The following KALRN variants were observed in gnomAD, a reference collection of about 807,000 sequenced individuals.
KALRN encodes the protein kalirin.
In KALRN, 70 loss-of-function variants were observed where a neutral mutation model predicts 353.7. The ratio of observed to expected loss-of-function variants is 0.20; its 90% confidence interval spans 0.16 to 0.24. The LOEUF is 0.24. Ranked by LOEUF, KALRN falls within the 10% of genes least tolerant of loss-of-function variation. The pLI is 1.00. For missense variants in KALRN, 2,791 were observed against 3,756.7 expected, an observed-to-expected ratio of 0.74 and a Z score of 6.72; for synonymous variants, 1,391 against 1,434.8, an observed-to-expected ratio of 0.97 and a Z score of 0.69.
At chr3:124,497,752 C>T (rs1392477494) in intron 33 of KALRN, among the ~76,000 whole-genome samples, 2 of 152,186 alleles carry the variant, frequency 1.3e-5, no homozygotes, top group African/African-American at 4.8e-5. Flanking sequence ...AAAAAGTGTT[C>T]CTCTTTAAAC....
intron 1 of KALRN, among the ~76,000 whole-genome samples, chr3:124,202,421 T>C (rs1429535034): frequency 1.3e-5 from 2 of 152,150 alleles, no homozygotes; most frequent in African/African-American, 4.8e-5. Context: ...CAGCTAATTT[T>C]TGTATTCTTT....
At chr3:124,589,615 T>G (rs1383263331) in intron 34 of KALRN, among the ~76,000 whole-genome samples, 2 of 152,146 alleles carry the variant, frequency 1.3e-5, no homozygotes, top group Non-Finnish European at 2.9e-5. Flanking sequence ...AAAATAAAAA[T>G]TCACCATCCA....
intron 51 of KALRN, among the ~76,000 whole-genome samples, chr3:124,688,186 C>A (rs2061648025): frequency 6.6e-6 from 1 of 151,976 alleles, no homozygotes; most frequent in Admixed American, 6.6e-5. Context: ...GCTGTGTTCA[C>A]CTGTAGTCGC....
rs752809322 is a variant in KALRN at position 124,430,714 on chromosome 3, G to T, written c.2768G>T (p.Ser923Ile). The T allele has an allele frequency of 2.0e-5, 33 of 1,614,198 alleles. No homozygotes were observed. In the Admixed American group the frequency reaches 5.5e-4, roughly 27 times the overall value. ...CTCAACGCCAGCCTGGTCAATGCCA[G>T]CTCTTTGTCGGAAGCAGAGCAGCTG... is the stretch of plus-strand genomic sequence containing the variant. ...SMLNASLVNA[S>I]SLSEAEQLQR... The change falls in exon 16 of 60, where the codon AGC (serine) becomes ATC (isoleucine). Residue 923 changes from serine (S) to isoleucine (I), a missense_variant. Physicochemically the swap from Ser to Ile is moderately radical, Grantham distance 142. Coordinates refer to ENST00000682506, the MANE Select transcript of KALRN (RefSeq NM_001388419.1).
chr3:124,554,332 G>A (rs558711878), intron 33 of KALRN, among the ~76,000 whole-genome samples: 8 of 152,312 alleles, frequency 5.3e-5, no homozygotes, highest in African/African-American at 1.7e-4. Context: ...TTTTTAGTAG[G>A]CTACATGCTC....
chr3:124,338,972 G>A (rs1052194385), intron 9 of KALRN, among the ~76,000 whole-genome samples: 5 of 152,228 alleles, frequency 3.3e-5, no homozygotes, highest in South Asian at 2.1e-4. Context: ...TCTGGGCAGA[G>A]TGGAGGGCTT....
chr3:124,074,299 T>C (rs1052292114), intron 1 of KALRN, among the ~76,000 whole-genome samples: 1 of 152,240 alleles, frequency 6.6e-6, no homozygotes, highest in Non-Finnish European at 1.5e-5. Context: ...ATGTGTGCCC[T>C]GAATTTCTAA....
At chr3:124,159,227 C>A (rs987304420) in intron 1 of KALRN, among the ~76,000 whole-genome samples, 1 of 152,162 alleles carries the variant, frequency 6.6e-6, no homozygotes, top group African/African-American at 2.4e-5. Context: ...TGCCACACCT[C>A]CCTAACCCTT....
At chr3:124,702,177 G>T in intron 57 of KALRN, 61 bp downstream of exon 57, 1 of 996,850 alleles carries the variant, frequency 1.0e-6, no homozygotes, top group Non-Finnish European at 1.5e-6. Flanking sequence ...CATCAGAACA[G>T]TAACTTTTTG....
chr3:124,719,568 T>A lies in KALRN; in HGVS notation c.*98T>A. On this transcript the variant is annotated 3_prime_UTR_variant, in exon 60 of 60. Transcript: ENST00000682506. This position sits in a 1 kb window ranked among gnomAD's most constrained non-coding sequence, Gnocchi z 5.3. ...TAATTCTGTTCATCATTTCACTCCG[T>A]GCAGTTCTCTGAATTGAGAGATGTA... 1.7e-6 allele frequency: 2 copies of A among 1,165,574 alleles called. No individual in the cohort carries two copies. Among genetic ancestry groups the A allele is most frequent in the Non-Finnish European group, 2.4e-6 (2 of 828,954 alleles). The allele number at this position is 1,165,574 out of a possible 1,614,324, so 72.2% of individuals were successfully genotyped here. A position where few individuals can be genotyped will look rare whatever the true frequency, so the allele number is the denominator to read the frequency against.
At chr3:124,432,469 C>A (rs1002080903) in intron 16 of KALRN, among the ~76,000 whole-genome samples, 3 of 152,092 alleles carry the variant, frequency 2.0e-5, no homozygotes, top group Non-Finnish European at 2.9e-5. Context: ...TCATAAGCAG[C>A]AACGAAGAAA....
At chr3:124,674,288 TGGG>T in intron 48 of KALRN, 73 bp from the exon 49 acceptor site, 1 of 1,485,508 alleles carries the variant, frequency 6.7e-7, no homozygotes, top group Non-Finnish European at 9.0e-7. Flanking sequence ...CTTGAACCAC[TGGG>T]TAGGGTGCAG....
chr3:124,639,377 G>T (rs1321528688), intron 37 of KALRN, among the ~76,000 whole-genome samples: 1 of 152,128 alleles, frequency 6.6e-6, no homozygotes, highest in African/African-American at 2.4e-5. Flanking sequence ...ATATCGTAAT[G>T]ATTTCATTTG....
intron 1 of KALRN, among the ~76,000 whole-genome samples, chr3:124,179,984 A>G (rs2150192904): frequency 6.6e-6 from 1 of 152,350 alleles, no homozygotes; most frequent in Non-Finnish European, 1.5e-5. Flanking sequence ...AAAGGAATGA[A>G]TGCCCGAGAT....
chr3:124,403,158 G>A (rs1333654308), intron 13 of KALRN, among the ~76,000 whole-genome samples: 2 of 152,062 alleles, frequency 1.3e-5, no homozygotes, highest in African/African-American at 2.4e-5. Context: ...TCTCTTTTTC[G>A]TGCACTACAC....
chr3:124,349,255 T>C (rs561849731), intron 10 of KALRN, among the ~76,000 whole-genome samples: 1 of 152,176 alleles, frequency 6.6e-6, no homozygotes, highest in Non-Finnish European at 1.5e-5. Context: ...TGATTCTACT[T>C]ATACCTAGAG....
Position 124,040,405 on chromosome 3 carries a change from C to G in KALRN, c.73+6592C>G, listed in dbSNP as rs1236924243. Among the ~76,000 whole-genome samples, 3 of 152,124 alleles carry G rather than the reference C, an allele frequency of 2.0e-5. No individual in the cohort carries two copies. In the East Asian group the frequency reaches 5.8e-4, roughly 29 times the overall value. The stretch of plus-strand genomic sequence containing the variant: ...AAGGGCAATTCTCCCCTCCCACCCC[C>G]CATCATAGAACATTTAGCAATGCCT... On this transcript the variant is annotated intron_variant, in intron 1 of 59. Coordinates refer to ENST00000682506, the MANE Select transcript of KALRN (RefSeq NM_001388419.1).
intron 33 of KALRN, among the ~76,000 whole-genome samples, chr3:124,512,745 A>G (rs982219341): frequency 1.3e-5 from 2 of 152,312 alleles, no homozygotes; most frequent in Middle Eastern, 3.4e-3. Flanking sequence ...GTGTTTATGC[A>G]TATGTACATA....
At chr3:124,374,274 T>C (rs2086272500) in intron 10 of KALRN, 1 of 152,324 alleles carries the variant, frequency 6.6e-6, no homozygotes, top group African/African-American at 2.4e-5. Flanking sequence ...AATAAACTTC[T>C]GTTATGTATA....
Sources: allele counts gnomAD v4.1 joint callset (sites outside exome capture counted in the v4.1 genomes callset), GRCh38; gene constraint gnomAD v4.1.1; non-coding constraint Gnocchi (gnomAD v3.1); transcripts MANE v1.5; gene names NCBI Gene and HGNC (gene_info 2026-07-23, HGNC 2026-07-21).